The following SORBS2 variants were observed in gnomAD, a reference collection of about 807,000 sequenced individuals.
The protein encoded by SORBS2 is sorbin and SH3 domain-containing protein 2.
In SORBS2, 46 loss-of-function variants were observed where a neutral mutation model predicts 97.7. The observed-to-expected ratio is 0.47, with a 90% CI of 0.37 to 0.60. The LOEUF (loss-of-function observed/expected upper bound fraction) is 0.60, where lower values mean the gene tolerates loss of function less well. SORBS2 is among the 20% of genes least tolerant of loss of function. The pLI is 0.00. For missense variants in SORBS2, 1,316 were observed against 1,282.3 expected, an observed-to-expected ratio of 1.03 and a Z score of -0.40; for synonymous variants, 476 against 473.4, an observed-to-expected ratio of 1.01 and a Z score of -0.07.
At chr4:185,694,933 C>T (rs1401070113) in intron 2 of SORBS2, among the ~76,000 whole-genome samples, 1 of 151,760 alleles carries the variant, frequency 6.6e-6, no homozygotes, top group Non-Finnish European at 1.5e-5. Context: ...TCTCAAACTC[C>T]TGACCTTGTG....
intron 2 of SORBS2, among the ~76,000 whole-genome samples, chr4:185,716,879 G>A (rs2098469991): frequency 6.6e-6 from 1 of 152,218 alleles, no homozygotes; most frequent in South Asian, 2.1e-4. Context: ...CTGCATGACA[G>A]ATGTCCCTTT....
At chr4:185,740,522 C>A (rs1436843491) in intron 2 of SORBS2, among the ~76,000 whole-genome samples, 1 of 152,176 alleles carries the variant, frequency 6.6e-6, no homozygotes, top group South Asian at 2.1e-4. Flanking sequence ...TGAAATAGAG[C>A]CTTGAAGGTC....
At chr4:185,803,680 T>C (rs1030507742) in intron 1 of SORBS2, among the ~76,000 whole-genome samples, 2 of 152,238 alleles carry the variant, frequency 1.3e-5, no homozygotes, top group Non-Finnish European at 2.9e-5. Flanking sequence ...AAAAAAGCCA[T>C]ATTAATCATT....
intron 1 of SORBS2, among the ~76,000 whole-genome samples, chr4:185,867,174 G>C (rs540096891): frequency 4.3e-4 from 65 of 152,142 alleles, no homozygotes; most frequent in Middle Eastern, 3.4e-3. Context: ...ACCACACTCG[G>C]CTAATTTTTG....
At position 185,610,326 on chromosome 4, in the gene SORBS2, T is replaced by A. The variant is rs184924029; in HGVS notation, c.2796+1454A>T. Among the ~76,000 whole-genome samples, 12 of 152,314 alleles carry A rather than the reference T, an allele frequency of 7.9e-5. No homozygotes were observed. The East Asian group carries it at 2.3e-3, about 29-fold the overall frequency. On this transcript the variant is annotated intron_variant, in intron 12 of 14. Coordinates refer to ENST00000418609, the Ensembl canonical transcript of SORBS2. ...ACAAATATATGCATGAAGATTCTTA[T>A]CTTTTCTCTTTATCAATAGAAAATA...
intron 1 of SORBS2, among the ~76,000 whole-genome samples, chr4:185,776,591 A>G (rs1362743679): frequency 6.6e-6 from 1 of 152,110 alleles, no homozygotes; most frequent in Non-Finnish European, 1.5e-5. Flanking sequence ...GGGAGATGAA[A>G]AGAGAGTCTT....
intron 1 of SORBS2, among the ~76,000 whole-genome samples, chr4:185,819,880 T>C (rs1002734078): frequency 6.6e-6 from 1 of 152,172 alleles, no homozygotes. Context: ...AATAAATAAA[T>C]GGTGTGGATT....
At chr4:185,835,701 C>A (rs1230101755) in intron 1 of SORBS2, among the ~76,000 whole-genome samples, 1 of 135,034 alleles carries the variant, frequency 7.4e-6, no homozygotes, top group Non-Finnish European at 1.5e-5. Flanking sequence ...CTATTGGGGA[C>A]TAAGTATTAG....
chr4:185,951,293 G>T (rs2099277109), intron 1 of SORBS2, among the ~76,000 whole-genome samples: 2 of 152,116 alleles, frequency 1.3e-5, no homozygotes, highest in African/African-American at 2.4e-5. Flanking sequence ...ATTGTGGAGG[G>T]CGACACAGGA....
At chr4:185,674,207 C>A (rs2097761703) in intron 4 of SORBS2, among the ~76,000 whole-genome samples, 1 of 152,174 alleles carries the variant, frequency 6.6e-6, no homozygotes. Flanking sequence ...TTCCTGTTTC[C>A]CAAATGGAAC....
chr4:185,718,193 T>G (rs2098481985), intron 2 of SORBS2, among the ~76,000 whole-genome samples: 1 of 151,892 alleles, frequency 6.6e-6, no homozygotes, highest in Admixed American at 6.6e-5. Context: ...ATCGCGCCAT[T>G]GCACTTCAGC....
chr4:185,740,949 C>A (rs763608659), intron 2 of SORBS2, among the ~76,000 whole-genome samples: 1 of 151,776 alleles, frequency 6.6e-6, no homozygotes, highest in Non-Finnish European at 1.5e-5. Context: ...ACAAACTCAG[C>A]CCAGCACCAA....
chr4:185,744,921 G>C (rs552347927), intron 2 of SORBS2, among the ~76,000 whole-genome samples: 1 of 152,340 alleles, frequency 6.6e-6, no homozygotes, highest in South Asian at 2.1e-4. Flanking sequence ...CTTTTGGATT[G>C]GGGGCTCAGA....
chr4:185,893,740 C>T (rs559272670), intron 1 of SORBS2, among the ~76,000 whole-genome samples: 10 of 152,130 alleles, frequency 6.6e-5, no homozygotes, highest in East Asian at 3.9e-4. Flanking sequence ...AGGGGTTCCC[C>T]GGGGGAGGAG....
chr4:185,721,036 C>T (rs1235010932), intron 2 of SORBS2, among the ~76,000 whole-genome samples: 1 of 150,136 alleles, frequency 6.7e-6, no homozygotes, highest in African/African-American at 2.5e-5. Context: ...CAATCTACCA[C>T]AAAGTACAAC....
chr4:185,665,841 C>A, intron 4 of SORBS2: 1 of 1,153,982 alleles, frequency 8.7e-7, no homozygotes, highest in Non-Finnish European at 1.1e-6. Context: ...AGTCACCAAT[C>A]TGCAGCTCCT....
chr4:185,612,489 CTAT>C (rs1561404788), intron 11 of SORBS2, among the ~76,000 whole-genome samples: 15 of 144,062 alleles, frequency 1.0e-4, no homozygotes, highest in South Asian at 6.5e-4. Flanking sequence ...TTTTTTATTT[CTAT>C]TTTTTTTTTT....
intron 1 of SORBS2, among the ~76,000 whole-genome samples, chr4:185,776,604 A>G (rs143956470): frequency 0.012 from 1,775 of 152,210 alleles, 23 homozygotes; most frequent in East Asian, 0.08. Context: ...AGAGTCTTCA[A>G]CCTGAATTCA....
intron 1 of SORBS2, among the ~76,000 whole-genome samples, chr4:185,928,950 C>G (rs1463500385): frequency 6.6e-6 from 1 of 152,194 alleles, no homozygotes; most frequent in African/African-American, 2.4e-5. Flanking sequence ...GGGCGTATGC[C>G]TTACATAAAC....
Sources: allele counts gnomAD v4.1 joint callset (sites outside exome capture counted in the v4.1 genomes callset), GRCh38; gene constraint gnomAD v4.1.1; transcripts MANE v1.5; gene names NCBI Gene and HGNC (gene_info 2026-07-23, HGNC 2026-07-21).